PCDHGA8: variants seen among roughly 807,000 people sequenced by gnomAD.
PCDHGA8 encodes the protein protocadherin gamma subfamily A, 8, also known as protocadherin gamma-A8.
PCDHGA8 carries 45 observed loss-of-function variants against 59.2 expected under a neutral mutation model. The observed-to-expected ratio is 0.76, with a 90% CI of 0.60 to 0.98. The LOEUF is 0.98. Ranked by LOEUF, PCDHGA8 falls within the 50% of genes least tolerant of loss-of-function variation. The pLI, the probability that PCDHGA8 is intolerant of heterozygous loss-of-function variation, is 0.00. For missense variants in PCDHGA8, 1,257 were observed against 1,196.2 expected (o/e 1.05, Z -0.75); for synonymous variants, 531 against 519.0 (o/e 1.02, Z -0.32).
chr5:141,446,850 C>T (rs1027473189), intron 1 of PCDHGA8, among the ~76,000 whole-genome samples: 2 of 152,114 alleles, frequency 1.3e-5, no homozygotes, highest in Non-Finnish European at 2.9e-5. Flanking sequence ...GCATAATAAG[C>T]TTCCTGATAG....
intron 1 of PCDHGA8, among the ~76,000 whole-genome samples, chr5:141,401,282 C>T (rs963741934): frequency 2.6e-5 from 4 of 151,884 alleles, no homozygotes; most frequent in Non-Finnish European, 4.4e-5. Flanking sequence ...GTGGAGGTTG[C>T]GGTGAGCCGA....
rs568235859 is a variant in PCDHGA8 at position 141,392,930 on chromosome 5, G to A, written c.117G>A (p.Thr39=). Residue 39 remains threonine (T), a synonymous_variant, in exon 1 of 4, where the codon ACG becomes ACA. Transcript: ENST00000398604. ...GQIRYSVPEE[T]DKGSFVGNIS... Reference sequence around the variant, plus strand: ...TTCGCTACTCTGTGCCAGAAGAGACGGACAAAGGCTCCTTCGTGGGTAATA... The same window carrying A: ...TTCGCTACTCTGTGCCAGAAGAGACAGACAAAGGCTCCTTCGTGGGTAATA... The A allele has an allele frequency of 1.2e-6, 2 of 1,613,790 alleles. No individual in the cohort carries two copies. Among genetic ancestry groups the A allele is most frequent in the Non-Finnish European group, 1.7e-6 (2 of 1,179,900 alleles).
intron 1 of PCDHGA8, chr5:141,409,404 A>T: frequency 5.0e-6 from 8 of 1,614,046 alleles, no homozygotes; most frequent in Non-Finnish European, 6.8e-6. Flanking sequence ...TCCAATAACT[A>T]CTACAAACTG....
chr5:141,447,681 C>T (rs2098548531), intron 1 of PCDHGA8, among the ~76,000 whole-genome samples: 1 of 152,066 alleles, frequency 6.6e-6, no homozygotes, highest in African/African-American at 2.4e-5. Flanking sequence ...TGTTCCATAT[C>T]TTGATAGAGG....
chr5:141,409,825 G>T (rs748261010), intron 1 of PCDHGA8: 8 of 1,610,680 alleles, frequency 5.0e-6, no homozygotes, highest in Admixed American at 3.4e-5. Context: ...GCTCGCCCAC[G>T]CTCAGCGCCA....
intron 1 of PCDHGA8, among the ~76,000 whole-genome samples, chr5:141,474,379 T>A (rs1451968368): frequency 6.6e-6 from 1 of 152,208 alleles, no homozygotes; most frequent in Non-Finnish European, 1.5e-5. Flanking sequence ...GAGGAGGGCA[T>A]TTCTGCATTT....
At position 141,476,580 on chromosome 5, in the gene PCDHGA8, C is replaced by T. The variant is rs1463314107; in HGVS notation, c.2425-18227C>T. 6 of 1,614,126 alleles carry T rather than the reference C, an allele frequency of 3.7e-6. No homozygotes were observed. Among genetic ancestry groups the T allele is most frequent in the Non-Finnish European group, 5.1e-6 (6 of 1,180,052 alleles). The stretch of plus-strand genomic sequence containing the variant: ...GCCGTGGCTCCGGGGACGCGCTTTC[C>T]GCTCGAGAGCGCGCACGATCCCGAT... On this transcript the variant is annotated intron_variant, in intron 1 of 3. Transcript: ENST00000398604. This position sits in a 1 kb window ranked among gnomAD's most constrained non-coding sequence, Gnocchi z 7.6.
chr5:141,449,067 T>A lies in PCDHGA8; in HGVS notation c.2425-45740T>A, dbSNP rs547833131. On this transcript the variant is annotated intron_variant, in intron 1 of 3. Transcript: ENST00000398604. ...AGTCTCATAAATGAGCGCTATTGAA[T>A]AGCCCTGTACCTACATCAGTTTTTA... Among the ~76,000 whole-genome samples the A allele has an allele frequency of 3.3e-5, 5 of 152,342 alleles. No homozygotes were observed. In the East Asian group the frequency reaches 9.6e-4, roughly 29 times the overall value.
chr5:141,466,518 T>C (rs1430823209), intron 1 of PCDHGA8, among the ~76,000 whole-genome samples: 2 of 152,222 alleles, frequency 1.3e-5, no homozygotes, highest in Admixed American at 6.5e-5. Flanking sequence ...TCATTTTTTT[T>C]CCTCCCAAAT....
At position 141,414,606 on chromosome 5, in the gene PCDHGA8, A is replaced by G. The variant is rs760846889; in HGVS notation, c.2424+19369A>G. ...ACGCCAGGGGTGCCTCCATCTTCTCAGTGACAGCGCTGGACCCGGACAGCA... is the reference window on the plus strand; with the variant it reads ...ACGCCAGGGGTGCCTCCATCTTCTCGGTGACAGCGCTGGACCCGGACAGCA... On this transcript the variant is annotated intron_variant, in intron 1 of 3. Coordinates refer to ENST00000398604, the MANE Select transcript of PCDHGA8 (RefSeq NM_032088.2). The G allele has an allele frequency of 1.6e-5, 26 of 1,613,826 alleles. No homozygotes were observed. In the East Asian group the frequency reaches 5.6e-4, roughly 35 times the overall value.
chr5:141,413,573 A>G (rs375156046), intron 1 of PCDHGA8: 12 of 1,613,768 alleles, frequency 7.4e-6, no homozygotes, highest in South Asian at 4.4e-5. Context: ...ATCAATGACA[A>G]TGCTCCAAAA....
At position 141,432,818 on chromosome 5, in the gene PCDHGA8, T is replaced by C. The variant is rs370597280; in HGVS notation, c.2424+37581T>C. On this transcript the variant is annotated intron_variant, in intron 1 of 3. Transcript: ENST00000398604. This position sits in a 1 kb window ranked among gnomAD's most constrained non-coding sequence, Gnocchi z 6.0. The stretch of plus-strand genomic sequence containing the variant: ...CGAGTCTCCAGCTAACTCTGAAACC[T>C]CAGACCTCACTCTGTACCTGGTGGT... 9.9e-6 allele frequency: 16 copies of C among 1,614,106 alleles called. No individual in the cohort carries two copies. The highest frequency in any genetic ancestry group is 1.4e-5 in the Non-Finnish European group (16 of 1,179,986).
intron 1 of PCDHGA8, chr5:141,418,165 T>G (rs1296752918): frequency 6.2e-7 from 1 of 1,614,034 alleles, no homozygotes. Flanking sequence ...GAAGAAGATG[T>G]GAGTTGCAAT....
intron 1 of PCDHGA8, among the ~76,000 whole-genome samples, chr5:141,452,713 T>TGAGG (rs2098747318): frequency 6.7e-6 from 1 of 148,530 alleles, no homozygotes; most frequent in Non-Finnish European, 1.5e-5. Flanking sequence ...AAGGAAGGAA[T>TGAGG]GAGGGAGGGA....
At chr5:141,400,015 G>T (rs747874428) in intron 1 of PCDHGA8, 6 of 1,612,768 alleles carry the variant, frequency 3.7e-6, no homozygotes, top group Non-Finnish European at 4.2e-6. Flanking sequence ...TGCCTTGGGC[G>T]ACAGGGACGC....
In PCDHGA8 at chr5:141,448,771, T is replaced by C. The variant is rs564309379; in HGVS notation, c.2425-46036T>C. Among the ~76,000 whole-genome samples the C allele has an allele frequency of 6.6e-4, 100 of 151,738 alleles. 1 individual carries two copies. The highest frequency in any genetic ancestry group is 6.8e-3 in the Middle Eastern group (2 of 294). On this transcript the variant is annotated intron_variant, in intron 1 of 3. Coordinates refer to ENST00000398604, the MANE Select transcript of PCDHGA8 (RefSeq NM_032088.2). ...CTGGCTAACACGGTGAAACCCCGTCTGTACTAAAAATACAAAAAAAAAAAT... is the reference window on the plus strand; with the variant it reads ...CTGGCTAACACGGTGAAACCCCGTCCGTACTAAAAATACAAAAAAAAAAAT...
At chr5:141,451,127 CT>C (rs1264048458) in intron 1 of PCDHGA8, among the ~76,000 whole-genome samples, 1 of 152,132 alleles carries the variant, frequency 6.6e-6, no homozygotes, top group Non-Finnish European at 1.5e-5. Context: ...CACACCCAGC[CT>C]TATGATTGTA....
Position 141,477,100 on chromosome 5 carries a change from C to T in PCDHGA8, c.2425-17707C>T, listed in dbSNP as rs970613825. Reference sequence around the variant, plus strand: ...TTTACATCCAGGCCAAAGACAAGGGCGCCAATCCCGAAGGAGCACATTGCA... The same window carrying T: ...TTTACATCCAGGCCAAAGACAAGGGTGCCAATCCCGAAGGAGCACATTGCA... On this transcript the variant is annotated intron_variant, in intron 1 of 3. Transcript: ENST00000398604. The surrounding 1 kb of genome is among the most constrained non-coding windows in gnomAD (Gnocchi z 4.9). 1 of 1,614,098 alleles carries T rather than the reference C, an allele frequency of 6.2e-7. No homozygotes were observed. Among genetic ancestry groups the T allele is most frequent in the African/African-American group, 1.3e-5 (1 of 74,932 alleles).
chr5:141,414,473 G>C lies in PCDHGA8; in HGVS notation c.2424+19236G>C, dbSNP rs371832510. 50 of 1,613,790 alleles carry C rather than the reference G, an allele frequency of 3.1e-5. No individual in the cohort carries two copies. The highest frequency in any genetic ancestry group is 4.1e-5 in the Non-Finnish European group (48 of 1,179,892). Reference sequence around the variant, plus strand: ...ACAGTGACAGCCACAGATGGGGGAAGTCCTCCTCTATCAACGGAAGCTCAC... The same window carrying C: ...ACAGTGACAGCCACAGATGGGGGAACTCCTCCTCTATCAACGGAAGCTCAC... On this transcript the variant is annotated intron_variant, in intron 1 of 3. Transcript: ENST00000398604.
Sources: allele counts gnomAD v4.1 joint callset (sites outside exome capture counted in the v4.1 genomes callset), GRCh38; gene constraint gnomAD v4.1.1; non-coding constraint Gnocchi (gnomAD v3.1); transcripts MANE v1.5; gene names NCBI Gene and HGNC (gene_info 2026-07-23, HGNC 2026-07-21).